ZNF791: variants seen among roughly 807,000 people sequenced by gnomAD.
The protein encoded by ZNF791 is zinc finger protein 791.
A neutral mutation model predicts 11.5 loss-of-function variants in ZNF791; 4 were observed. That is an observed-to-expected ratio of 0.35 (90% CI 0.17 to 0.80). The LOEUF (loss-of-function observed/expected upper bound fraction) is 0.80, where lower values mean the gene tolerates loss of function less well. Ranked by LOEUF, ZNF791 falls within the 30% of genes least tolerant of loss-of-function variation. The pLI is 0.53. For missense variants in ZNF791, 559 were observed against 699.4 expected (o/e 0.80, Z 2.26); for synonymous variants, 212 against 228.1 (o/e 0.93, Z 0.64).
In ZNF791 at chr19:12,613,718, T is replaced by C. The variant is rs575428332; in HGVS notation, c.3+2636T>C. Among the ~76,000 whole-genome samples the C allele has an allele frequency of 1.6e-4, 25 of 152,292 alleles. 1 individual carries two copies. The highest frequency in any genetic ancestry group is 6.2e-4 in the South Asian group (3 of 4,828). On this transcript the variant is annotated intron_variant, in intron 1 of 3. Coordinates refer to ENST00000343325, the MANE Select transcript of ZNF791 (RefSeq NM_153358.3). ...CCTTTGAGCCTGCAAAGAAAGATCA[T>C]TGAAGGCCCAATTGGTTCTTCCTGG...
In ZNF791 at chr19:12,627,853, C is replaced by T; in HGVS notation, c.324C>T (p.Ala108=). The change falls in exon 4 of 4, where the codon GCC becomes GCT. Residue 108 remains alanine, a synonymous_variant. Coordinates refer to ENST00000343325, the MANE Select transcript of ZNF791 (RefSeq NM_153358.3). ...ATGAGTGTACTATCTGTGGAAAAGCCTTCATGCGTCTCTCATCCCTTACTA... is the reference window on the plus strand; with the variant it reads ...ATGAGTGTACTATCTGTGGAAAAGCTTTCATGCGTCTCTCATCCCTTACTA... The part of the protein sequence containing the change: ...KPYECTICGK[A]FMRLSSLTRH... 2 of 1,614,172 alleles carry T rather than the reference C, an allele frequency of 1.2e-6. No individual in the cohort carries two copies. Among genetic ancestry groups the T allele is most frequent in the African/African-American group, 2.7e-5 (2 of 75,034 alleles).
intron 1 of ZNF791, among the ~76,000 whole-genome samples, chr19:12,614,899 T>TTTTTTTTTTTTTTC (rs2023220131): frequency 9.0e-6 from 1 of 111,532 alleles, no homozygotes; most frequent in Admixed American, 8.9e-5. Context: ...GGCCTTTTTT[T>TTTTTTTTTTTTTTC]TTTTTTTTTT....
chr19:12,628,769 T>C lies in ZNF791; in HGVS notation c.1240T>C (p.Cys414Arg). 6.2e-7 allele frequency: 1 copy of C among 1,613,612 alleles called. No homozygotes were observed. Among genetic ancestry groups the C allele is most frequent in the Admixed American group, 1.7e-5 (1 of 59,912 alleles). Residue 414 changes from cysteine to arginine, a missense_variant, in exon 4 of 4, where the codon TGT (cysteine) becomes CGT (arginine). Transcript: ENST00000343325. Reference protein sequence around the residue: ...RNHTGEKPYECKECAKTFISL... With the variant: ...RNHTGEKPYERKECAKTFISL... ...TCACACTGGAGAAAAACCCTATGAG[T>C]GTAAGGAATGTGCAAAAACCTTCAT...
rs750946825 is a variant in ZNF791, at chr19:12,628,090, C to T, written c.561C>T (p.Pro187=). 1 of 1,614,034 alleles carries T rather than the reference C, an allele frequency of 6.2e-7. No homozygotes were observed. The highest frequency in any genetic ancestry group is 1.7e-5 in the Admixed American group (1 of 59,972). The change falls in exon 4 of 4, where the codon CCC becomes CCT. Residue 187 remains proline, a synonymous_variant. Coordinates refer to ENST00000343325, the MANE Select transcript of ZNF791 (RefSeq NM_153358.3). The part of the protein sequence containing the change: ...RHERTHIGEK[P]YECKQCGKAL... ...AGCGGACTCACATTGGAGAAAAACC[C>T]TATGAATGTAAGCAATGTGGAAAAG...
rs957307148 is a variant in ZNF791, at chr19:12,630,559, G to GT, written c.*1306dup. 3.3e-5 allele frequency: 5 copies of GT among 152,120 alleles called. No homozygotes were observed. The highest frequency in any genetic ancestry group is 6.6e-5 in the Admixed American group (1 of 15,252). 9.4% of individuals were successfully genotyped at this position (152,120 alleles called of 1,614,324 possible). On this transcript the variant is annotated 3_prime_UTR_variant, in exon 4 of 4. Transcript: ENST00000343325. ...ATCCTGTTTTAGAATGTATTCCTGT[G>GT]TTTTTTTAACAGTAAGACAGTCTCA...
rs541474080 is a variant in ZNF791 at position 12,624,771 on chromosome 19, C to T, written c.191+61C>T. ...GAAAGAATCTTAAAAATGTTATGGC[C>T]GGGCACGGTGGCTCACACCTGTAAT... On this transcript the variant is annotated intron_variant, in intron 3 of 3. Coordinates refer to ENST00000343325, the MANE Select transcript of ZNF791 (RefSeq NM_153358.3). The T allele has an allele frequency of 1.2e-4, 159 of 1,359,234 alleles. 2 individuals carry two copies. The Middle Eastern group carries it at 1.6e-3, about 14-fold the overall frequency. The allele number at this position is 1,359,234 out of a possible 1,614,324, so 84.2% of individuals were successfully genotyped here. A position where few individuals can be genotyped will look rare whatever the true frequency, so the allele number is the denominator to read the frequency against.
chr19:12,612,194 C>A, intron 1 of ZNF791: 12 of 786,154 alleles, frequency 1.5e-5, no homozygotes, highest in South Asian at 5.8e-5. Context: ...AATTAACTGA[C>A]ATTATTATTT....
Position 12,628,153 on chromosome 19 carries a change from G to A in ZNF791, c.624G>A (p.Arg208=). ...SCSSSLRVHE[R]IHTGEKPYEC... ...CCAGTTCGCTTCGAGTTCATGAAAG[G>A]ATTCACACTGGAGAAAAGCCCTATG... is the stretch of plus-strand genomic sequence containing the variant. The change falls in exon 4 of 4, where the codon AGG becomes AGA. Residue 208 remains arginine (R), a synonymous_variant. Coordinates refer to ENST00000343325, the MANE Select transcript of ZNF791 (RefSeq NM_153358.3). 2.5e-6 allele frequency: 4 copies of A among 1,614,142 alleles called. No individual in the cohort carries two copies. In the South Asian group the frequency reaches 3.3e-5, roughly 13 times the overall value.
Position 12,619,080 on chromosome 19 carries a change from G to A in ZNF791, c.4-4620G>A, listed in dbSNP as rs556277137. ...TCAGGATGGTCTCAGTCTCGACCTCGTGATCCACCCACCTAGGCCTCCCAA... is the reference window on the plus strand; with the variant it reads ...TCAGGATGGTCTCAGTCTCGACCTCATGATCCACCCACCTAGGCCTCCCAA... On this transcript the variant is annotated intron_variant, in intron 1 of 3. Transcript: ENST00000343325. Among the ~76,000 whole-genome samples the A allele has an allele frequency of 9.7e-4, 147 of 152,006 alleles. 1 individual carries two copies. Among genetic ancestry groups the A allele is most frequent in the African/African-American group, 3.5e-3 (145 of 41,500 alleles).
intron 1 of ZNF791, among the ~76,000 whole-genome samples, chr19:12,620,751 G>GTTTTTTTT (rs2023327234): frequency 1.4e-5 from 1 of 71,606 alleles, no homozygotes; most frequent in African/African-American, 6.2e-5. Context: ...GGGGATTTAT[G>GTTTTTTTT]TTCTTTTTTT....
At chr19:12,618,222 T>A (rs946433903) in intron 1 of ZNF791, among the ~76,000 whole-genome samples, 2 of 152,108 alleles carry the variant, frequency 1.3e-5, no homozygotes, top group African/African-American at 4.8e-5. Flanking sequence ...CCACCAACCA[T>A]CTATTCTTTT....
chr19:12,621,267 T>G (rs1327481261), intron 1 of ZNF791, among the ~76,000 whole-genome samples: 2 of 152,098 alleles, frequency 1.3e-5, no homozygotes, highest in Non-Finnish European at 2.9e-5. Flanking sequence ...GTATATGTAT[T>G]TGTGCTAAAA....
intron 1 of ZNF791, among the ~76,000 whole-genome samples, chr19:12,617,760 C>CTTTTTTTTTTTTTTTTTTTTTTTTTT (rs1019193795): frequency 1.9e-5 from 1 of 51,688 alleles, no homozygotes; most frequent in Non-Finnish European, 3.5e-5. Context: ...TGCTGGAACT[C>CTTTTTTTTTTTTTTTTTTTTTTTTTT]TTTTTTTTTT....
At chr19:12,622,620 G>C (rs181346307) in intron 1 of ZNF791, among the ~76,000 whole-genome samples, 31 of 151,356 alleles carry the variant, frequency 2.0e-4, no homozygotes, top group African/African-American at 7.0e-4. Flanking sequence ...CCCAGCCGGA[G>C]GCAGTGGCTC....
Position 12,627,835 on chromosome 19 carries a change from T to G in ZNF791, c.306T>G (p.Cys102Trp). Residue 102 changes from cysteine to tryptophan, a missense_variant, in exon 4 of 4, where the codon TGT becomes TGG. Cys to Trp is a radical substitution (Grantham distance 215). Transcript: ENST00000343325. ...CTGCCGGAGTAAAACCATATGAGTG[T>G]ACTATCTGTGGAAAAGCCTTCATGC... ...KKTAGVKPYE[C>W]TICGKAFMRL... 6.2e-7 allele frequency: 1 copy of G among 1,614,184 alleles called. No individual in the cohort carries two copies. Among genetic ancestry groups the G allele is most frequent in the Non-Finnish European group, 8.5e-7 (1 of 1,180,024 alleles).
rs2023525109 is a variant in ZNF791, at chr19:12,633,712, T to A, written c.*4452T>A. 6.6e-6 allele frequency: 1 copy of A among 152,188 alleles called. No individual in the cohort carries two copies. Among genetic ancestry groups the A allele is most frequent in the South Asian group, 2.1e-4 (1 of 4,834 alleles). The allele number at this position is 152,188 out of a possible 1,614,324, so 9.4% of individuals were successfully genotyped here. A position where few individuals can be genotyped will look rare whatever the true frequency, so the allele number is the denominator to read the frequency against. On this transcript the variant is annotated 3_prime_UTR_variant, in exon 4 of 4. Coordinates refer to ENST00000343325, the MANE Select transcript of ZNF791 (RefSeq NM_153358.3). ...GTTGGCATTGTTCTCTGAGGTTCTG[T>A]CTTCCCTTTGTGTTTCTATGAGCTT...
intron 3 of ZNF791, among the ~76,000 whole-genome samples, chr19:12,625,346 C>T (rs1351086488): frequency 1.3e-5 from 2 of 151,136 alleles, no homozygotes; most frequent in African/African-American, 4.9e-5. Context: ...GTCTCAAACT[C>T]CTGACCTCAG....
intron 1 of ZNF791, among the ~76,000 whole-genome samples, chr19:12,619,486 GT>G (rs2048173794): frequency 9.1e-6 from 1 of 110,326 alleles, no homozygotes. Context: ...GTCTCGATTT[GT>G]CTCCCAGGCT....
In ZNF791 at chr19:12,629,073, T is replaced by C. The variant is rs776352844; in HGVS notation, c.1544T>C (p.Met515Thr). The stretch of plus-strand genomic sequence containing the variant: ...TATCCCACAAGCTTTCAAGGACACA[T>C]GAGAATGCATACTGGAGAGAAACCC... ...FIYPTSFQGH[M>T]RMHTGEKPYK... Residue 515 changes from methionine (M) to threonine (T), a missense_variant, in exon 4 of 4, where the codon ATG becomes ACG. Coordinates refer to ENST00000343325, the MANE Select transcript of ZNF791 (RefSeq NM_153358.3). 6 of 1,609,500 alleles carry C rather than the reference T, an allele frequency of 3.7e-6. No individual in the cohort carries two copies. In the Admixed American group the frequency reaches 8.5e-5, roughly 23 times the overall value.
Sources: gnomAD v4.1 joint callset for allele counts (sites outside exome capture counted in the v4.1 genomes callset) on GRCh38, gnomAD v4.1.1 for gene constraint, MANE v1.5 for transcripts, NCBI Gene and HGNC (gene_info 2026-07-23, HGNC 2026-07-21) for gene names.